ADAMTS6: variants seen among roughly 807,000 people sequenced by gnomAD.
ADAMTS6 encodes the protein A disintegrin and metalloproteinase with thrombospondin motifs 6.
Under a neutral mutation model 144.3 loss-of-function variants are expected in ADAMTS6, and 23 were observed. The observed-to-expected ratio is 0.16, with a 90% confidence interval of 0.11 to 0.23. ADAMTS6 has a LOEUF of 0.23. ADAMTS6 is among the 10% of genes least tolerant of loss of function. The probability of loss-of-function intolerance (pLI) is 1.00; values close to 1 mark genes in which losing one functional copy is unlikely to be tolerated. For missense variants in ADAMTS6, 999 were observed against 1,379.6 expected (o/e 0.72, Z 4.37); for synonymous variants, 444 against 457.5 (o/e 0.97, Z 0.38).
intron 10 of ADAMTS6, among the ~76,000 whole-genome samples, chr5:65,299,017 A>G (rs1743119576): frequency 6.6e-6 from 1 of 152,048 alleles, no homozygotes; most frequent in South Asian, 2.1e-4. Context: ...AAGAATTTCC[A>G]TTGCTGGCCT....
At chr5:65,447,032 T>A (rs1758321374) in intron 7 of ADAMTS6, among the ~76,000 whole-genome samples, 1 of 152,122 alleles carries the variant, frequency 6.6e-6, no homozygotes, top group Admixed American at 6.5e-5. Context: ...ATATAAACTG[T>A]TACGTATTAT....
intron 7 of ADAMTS6, among the ~76,000 whole-genome samples, chr5:65,414,845 A>G (rs1262550642): frequency 2.0e-5 from 3 of 152,184 alleles, no homozygotes; most frequent in South Asian, 2.1e-4. Context: ...AAACGAACCC[A>G]AAGACCTAAA....
chr5:65,180,493 A>G (rs964243168), intron 22 of ADAMTS6, among the ~76,000 whole-genome samples: 2 of 151,892 alleles, frequency 1.3e-5, no homozygotes, highest in South Asian at 4.2e-4. Flanking sequence ...TATTAATCCA[A>G]CTCCAAAATC....
In ADAMTS6 at chr5:65,269,792, T is replaced by C. The variant is rs1001412121; in HGVS notation, c.1620+3548A>G. 4.7e-4 allele frequency among the ~76,000 whole-genome samples: 64 copies of C among 135,826 alleles called. 1 individual carries two copies. Among genetic ancestry groups the C allele is most frequent in the South Asian group, 4.4e-4 (2 of 4,554 alleles). The allele number at this position is 135,826 out of a possible 152,430, so 89.1% of individuals were successfully genotyped here. A position where few individuals can be genotyped will look rare whatever the true frequency, so the allele number is the denominator to read the frequency against. On this transcript the variant is annotated intron_variant, in intron 12 of 24. Coordinates refer to ENST00000381055, the MANE Select transcript of ADAMTS6 (RefSeq NM_197941.4). ...ATGTGATGGGCATAGTGTAAGTACT[T>C]TTTTTTTTTTTTTTTTTGAGATGGA...
chr5:65,467,019 C>A (rs1420262030), intron 3 of ADAMTS6, among the ~76,000 whole-genome samples: 1 of 145,412 alleles, frequency 6.9e-6, no homozygotes, highest in East Asian at 2.0e-4. Context: ...CCAGCCTGGG[C>A]GACAGAGCAG....
chr5:65,259,423 G>A (rs1760974072), intron 14 of ADAMTS6, among the ~76,000 whole-genome samples: 1 of 151,794 alleles, frequency 6.6e-6, no homozygotes, highest in Non-Finnish European at 1.5e-5. Flanking sequence ...AAGAGTAGGA[G>A]CCAATGAAGG....
chr5:65,186,829 C>T (rs1047938027), intron 22 of ADAMTS6, among the ~76,000 whole-genome samples: 3 of 152,126 alleles, frequency 2.0e-5, no homozygotes, highest in African/African-American at 7.2e-5. Flanking sequence ...AGAACACTCC[C>T]AATTCCTGCC....
chr5:65,297,059 CTAAA>C, intron 10 of ADAMTS6: 20 of 366,786 alleles, frequency 5.5e-5, no homozygotes, highest in Middle Eastern at 7.1e-4. Flanking sequence ...TCTCTATAGT[CTAAA>C]TAAATAAATA....
At chr5:65,177,765 C>A (rs548335837) in intron 22 of ADAMTS6, among the ~76,000 whole-genome samples, 2 of 152,350 alleles carry the variant, frequency 1.3e-5, no homozygotes, top group East Asian at 3.9e-4. Context: ...ATTCCATCTG[C>A]ACGTTAAACA....
chr5:65,304,843 A>C (rs1743774380), intron 9 of ADAMTS6, among the ~76,000 whole-genome samples: 1 of 152,174 alleles, frequency 6.6e-6, no homozygotes, highest in Non-Finnish European at 1.5e-5. Context: ...AATAACAAAA[A>C]AGTCTGAAGA....
chr5:65,286,204 A>G (rs1032566224), intron 11 of ADAMTS6, among the ~76,000 whole-genome samples: 1 of 152,242 alleles, frequency 6.6e-6, no homozygotes, highest in African/African-American at 2.4e-5. Context: ...GAAGTTTACA[A>G]GAACAACCTG....
At chr5:65,456,566 T>C (rs1010270908) in intron 4 of ADAMTS6, among the ~76,000 whole-genome samples, 1 of 152,220 alleles carries the variant, frequency 6.6e-6, no homozygotes, top group Non-Finnish European at 1.5e-5. Context: ...TAACTGTCTT[T>C]CCTCACTAGA....
chr5:65,368,770 C>A (rs531211867), intron 7 of ADAMTS6, among the ~76,000 whole-genome samples: 16 of 152,284 alleles, frequency 1.1e-4, no homozygotes, highest in African/African-American at 3.8e-4. Flanking sequence ...AAAACAATGA[C>A]TTGGCCAGGC....
At chr5:65,321,757 C>T (rs1745638522) in intron 9 of ADAMTS6, among the ~76,000 whole-genome samples, 1 of 141,002 alleles carries the variant, frequency 7.1e-6, no homozygotes, top group Admixed American at 7.3e-5. Context: ...GCTCTGTCAC[C>T]CAGGCTGGAG....
rs1455449488 is a variant in ADAMTS6, at chr5:65,422,663, AC to A, written c.1073+28811del. ...AAAAAAATTAAAAAATTAAAAAAAA[AC>A]AAGAAAAGGGAACACTTATACATTA... On this transcript the variant is annotated intron_variant, in intron 7 of 24. Transcript: ENST00000381055. Among the ~76,000 whole-genome samples, 4 of 148,112 alleles carry A rather than the reference AC, an allele frequency of 2.7e-5. No homozygotes were observed. The East Asian group carries it at 5.8e-4, about 22-fold the overall frequency.
At chr5:65,439,262 G>A (rs1004382657) in intron 7 of ADAMTS6, among the ~76,000 whole-genome samples, 1 of 151,868 alleles carries the variant, frequency 6.6e-6, no homozygotes, top group African/African-American at 2.4e-5. Context: ...AAAATTGGAG[G>A]GTAAAATTTT....
intron 7 of ADAMTS6, among the ~76,000 whole-genome samples, chr5:65,435,582 T>C (rs2150223445): frequency 6.6e-6 from 1 of 152,084 alleles, no homozygotes; most frequent in South Asian, 2.1e-4. Context: ...ATAAAAGAAC[T>C]CTGCACCTTT....
In ADAMTS6 at chr5:65,231,646, A is replaced by T. The variant is rs77070198; in HGVS notation, c.1934-5427T>A. ...GTTAGGCCACAAAACAAGTCTTAACACATTTAAGATTGAAATCATATCAAG... is the reference window on the plus strand; with the variant it reads ...GTTAGGCCACAAAACAAGTCTTAACTCATTTAAGATTGAAATCATATCAAG... On this transcript the variant is annotated intron_variant, in intron 15 of 24. Transcript: ENST00000381055. 5.9e-3 allele frequency among the ~76,000 whole-genome samples: 894 copies of T among 152,322 alleles called. 8 individuals are homozygous for T. Among genetic ancestry groups the T allele is most frequent in the African/African-American group, 0.02 (848 of 41,576 alleles).
intron 22 of ADAMTS6, among the ~76,000 whole-genome samples, chr5:65,183,884 A>G: frequency 6.6e-6 from 1 of 152,162 alleles, no homozygotes; most frequent in South Asian, 2.1e-4. Flanking sequence ...GTTCAATAAT[A>G]ATTTTTTTAG....
Sources: allele counts gnomAD v4.1 joint callset (sites outside exome capture counted in the v4.1 genomes callset), GRCh38; gene constraint gnomAD v4.1.1; transcripts MANE v1.5; gene names NCBI Gene and HGNC (gene_info 2026-07-23, HGNC 2026-07-21).